RALGAPA1: variants seen among roughly 807,000 people sequenced by gnomAD.
RALGAPA1 encodes Ral GTPase activating protein catalytic subunit alpha 1, also known as ral GTPase-activating protein subunit alpha-1.
RALGAPA1 carries 52 observed loss-of-function variants against 269.6 expected under a neutral mutation model. The ratio of observed to expected loss-of-function variants is 0.19; its 90% CI spans 0.15 to 0.24. The LOEUF (loss-of-function observed/expected upper bound fraction) is 0.24. Among genes scored for constraint, RALGAPA1 ranks in the 10% least tolerant of loss-of-function variants. RALGAPA1 has a pLI of 1.00. For synonymous variants in RALGAPA1, 817 were observed against 1,008.3 expected, an observed-to-expected ratio of 0.81 and a Z score of 3.60; for missense variants, 1,917 against 3,013.9, an observed-to-expected ratio of 0.64 and a Z score of 8.52.
intron 6 of RALGAPA1, among the ~76,000 whole-genome samples, chr14:35,758,233 G>A (rs2073366170): frequency 2.0e-5 from 2 of 102,558 alleles, no homozygotes; most frequent in East Asian, 3.4e-4. Flanking sequence ...GACAGAGCAA[G>A]ACTCTGTCTC....
intron 22 of RALGAPA1, among the ~76,000 whole-genome samples, chr14:35,675,463 A>G (rs2064861386): frequency 6.6e-6 from 1 of 152,246 alleles, no homozygotes; most frequent in Non-Finnish European, 1.5e-5. Flanking sequence ...GGCGTGAGCC[A>G]CCGCACCCGA....
At chr14:35,654,197 A>G (rs2063027374) in intron 30 of RALGAPA1, among the ~76,000 whole-genome samples, 170 bp downstream of exon 30, 1 of 152,196 alleles carries the variant, frequency 6.6e-6, no homozygotes, top group African/African-American at 2.4e-5. Context: ...CTTCTAACAT[A>G]AAAGACAAGG....
At position 35,634,767 on chromosome 14, in the gene RALGAPA1, C is replaced by A; in HGVS notation, c.5812-10G>T. The A allele has an allele frequency of 1.3e-6, 2 of 1,571,190 alleles. No homozygotes were observed. The highest frequency in any genetic ancestry group is 1.2e-5 in the South Asian group (1 of 82,054). On this transcript the variant is annotated splice_polypyrimidine_tract_variant and intron_variant, in intron 32 of 41. Coordinates refer to ENST00000680220, the MANE Select transcript of RALGAPA1 (RefSeq NM_001346249.2). Reference sequence around the variant, plus strand: ...CACACCCATGTAAAACCTGAAAATACAGGGGGAAACACCCAGTTTTACTTA... The same window carrying A: ...CACACCCATGTAAAACCTGAAAATAAAGGGGGAAACACCCAGTTTTACTTA...
chr14:35,734,411 GC>G, intron 12 of RALGAPA1, among the ~76,000 whole-genome samples: 1 of 152,182 alleles, frequency 6.6e-6, no homozygotes, highest in South Asian at 2.1e-4. Flanking sequence ...AATACTTACA[GC>G]CAACTGATCT....
At chr14:35,633,765 G>A (rs1014286801) in intron 33 of RALGAPA1, among the ~76,000 whole-genome samples, 1 of 152,046 alleles carries the variant, frequency 6.6e-6, no homozygotes, top group Non-Finnish European at 1.5e-5. Flanking sequence ...CAATTGCTGG[G>A]TTCCTCTACT....
chr14:35,795,838 C>G (rs1270579782), intron 1 of RALGAPA1, among the ~76,000 whole-genome samples: 2 of 149,034 alleles, frequency 1.3e-5, no homozygotes, highest in Non-Finnish European at 3.0e-5. Context: ...AAAAAATTAG[C>G]TGGGTGTGGT....
chr14:35,565,335 TAATA>T (rs2056606258), intron 39 of RALGAPA1, among the ~76,000 whole-genome samples: 2 of 149,896 alleles, frequency 1.3e-5, no homozygotes, highest in East Asian at 3.9e-4. Flanking sequence ...AATATTAATA[TAATA>T]TATAACATAT....
At chr14:35,669,604 T>C (rs1185723752) in intron 26 of RALGAPA1, among the ~76,000 whole-genome samples, 2 of 152,142 alleles carry the variant, frequency 1.3e-5, no homozygotes, top group Admixed American at 6.5e-5. Context: ...TTCAGTAACT[T>C]GCCCAAGGTC....
chr14:35,683,324 A>G (rs181475410), intron 21 of RALGAPA1: 1 of 152,394 alleles, frequency 6.6e-6, no homozygotes, highest in Non-Finnish European at 1.5e-5. Flanking sequence ...TAAACACAGA[A>G]TATTAGTATA....
intron 37 of RALGAPA1, among the ~76,000 whole-genome samples, chr14:35,579,486 T>A (rs1400726884): frequency 6.6e-6 from 1 of 151,600 alleles, no homozygotes; most frequent in Non-Finnish European, 1.5e-5. Context: ...TGCACGCCTG[T>A]AGTCCCAGCT....
chr14:35,539,683 G>A lies in RALGAPA1; in HGVS notation c.*31C>T. The A allele has an allele frequency of 6.2e-7, 1 of 1,613,822 alleles. No individual in the cohort carries two copies. Among genetic ancestry groups the A allele is most frequent in the Non-Finnish European group, 8.5e-7 (1 of 1,179,880 alleles). On this transcript the variant is annotated 3_prime_UTR_variant, in exon 42 of 42. Transcript: ENST00000680220. ...GAGTTTCACTGGGTAGAATCTCTGGGTAGGAGCCTGTAGGAAACAGCAAGA... is the reference window on the plus strand; with the variant it reads ...GAGTTTCACTGGGTAGAATCTCTGGATAGGAGCCTGTAGGAAACAGCAAGA...
intron 41 of RALGAPA1, among the ~76,000 whole-genome samples, chr14:35,543,796 T>A (rs901384724): frequency 6.6e-6 from 1 of 152,106 alleles, no homozygotes; most frequent in Admixed American, 6.6e-5. Context: ...GCGCATGCCA[T>A]CATGCCCAGC....
intron 37 of RALGAPA1, among the ~76,000 whole-genome samples, chr14:35,577,173 C>G (rs138846437): frequency 2.8e-4 from 42 of 152,212 alleles, no homozygotes; most frequent in Middle Eastern, 3.4e-3. Context: ...ATGAAGCTCA[C>G]GAATGTTGGT....
chr14:35,623,921 T>C (rs1400184216), intron 35 of RALGAPA1, among the ~76,000 whole-genome samples: 1 of 151,812 alleles, frequency 6.6e-6, no homozygotes, highest in East Asian at 1.9e-4. Flanking sequence ...CTACTAAAAA[T>C]ACAAAAACAA....
intron 1 of RALGAPA1, among the ~76,000 whole-genome samples, chr14:35,794,521 G>A (rs1225726409): frequency 4.6e-5 from 7 of 151,994 alleles, no homozygotes; most frequent in Non-Finnish European, 8.8e-5. Context: ...CAGTGGCGCA[G>A]TCTCGGCTCA....
chr14:35,636,904 A>G lies in RALGAPA1; in HGVS notation c.5677-1306T>C, dbSNP rs537215762. On this transcript the variant is annotated intron_variant, in intron 31 of 41. Coordinates refer to ENST00000680220, the MANE Select transcript of RALGAPA1 (RefSeq NM_001346249.2). Reference sequence around the variant, plus strand: ...CCCACTGCAGGTTTTCATGAAAAGCAAGGGTAGTTTGGGAAAAACTGTGAA... The same window carrying G: ...CCCACTGCAGGTTTTCATGAAAAGCGAGGGTAGTTTGGGAAAAACTGTGAA... Among the ~76,000 whole-genome samples the G allele has an allele frequency of 1.1e-4, 16 of 152,296 alleles. No homozygotes were observed. In the South Asian group the frequency reaches 3.3e-3, roughly 32 times the overall value.
chr14:35,801,835 G>T (rs550783711), intron 1 of RALGAPA1, among the ~76,000 whole-genome samples: 20 of 152,184 alleles, frequency 1.3e-4, no homozygotes, highest in Admixed American at 5.2e-4. Flanking sequence ...TTACCCCTAA[G>T]ATCAAGAACA....
At chr14:35,754,749 A>G (rs1361830331) in intron 7 of RALGAPA1, among the ~76,000 whole-genome samples, 1 of 152,190 alleles carries the variant, frequency 6.6e-6, no homozygotes, top group African/African-American at 2.4e-5. Flanking sequence ...ACCAATATTC[A>G]CAGCAGTTTT....
At chr14:35,561,520 T>G (rs1041768282) in intron 39 of RALGAPA1, among the ~76,000 whole-genome samples, 2 of 142,766 alleles carry the variant, frequency 1.4e-5, no homozygotes, top group South Asian at 2.3e-4. Flanking sequence ...TTTTTTTTTT[T>G]TTTTTTTTTT....
Sources: allele counts gnomAD v4.1 joint callset (sites outside exome capture counted in the v4.1 genomes callset), GRCh38; gene constraint gnomAD v4.1.1; transcripts MANE v1.5; gene names NCBI Gene and HGNC (gene_info 2026-07-23, HGNC 2026-07-21).